The following NRXN1 variants were observed in gnomAD, a reference collection of about 807,000 sequenced individuals.
NRXN1 encodes neurexin-1.
Under a neutral mutation model 150.9 loss-of-function variants are expected in NRXN1, and 39 were observed. The ratio of observed to expected loss-of-function variants is 0.26; its 90% CI spans 0.20 to 0.34. The LOEUF (loss-of-function observed/expected upper bound fraction) is 0.34. Ranked by LOEUF, NRXN1 falls within the 10% of genes least tolerant of loss-of-function variation. NRXN1 has a pLI of 1.00. For synonymous variants in NRXN1, 924 were observed against 757.0 expected, an observed-to-expected ratio of 1.22 and a Z score of -3.62; for missense variants, 1,815 against 1,949.9, an observed-to-expected ratio of 0.93 and a Z score of 1.30.
chr2:50,605,539 C>T (rs546550351), intron 8 of NRXN1, among the ~76,000 whole-genome samples: 10 of 152,182 alleles, frequency 6.6e-5, no homozygotes, highest in African/African-American at 2.2e-4. Flanking sequence ...AGATACCCAA[C>T]GTCAGTAATC....
chr2:50,741,306 T>C (rs1699393725), intron 5 of NRXN1, among the ~76,000 whole-genome samples: 1 of 152,174 alleles, frequency 6.6e-6, no homozygotes, highest in East Asian at 1.9e-4. Flanking sequence ...ATGCATAGTG[T>C]AACTTTGAAA....
intron 5 of NRXN1, among the ~76,000 whole-genome samples, chr2:50,658,061 A>G (rs933348680): frequency 6.6e-6 from 1 of 152,046 alleles, no homozygotes; most frequent in African/African-American, 2.4e-5. Flanking sequence ...TAACTATTTC[A>G]TTGATGTGCT....
At chr2:50,974,659 G>C (rs769329808) in intron 2 of NRXN1, among the ~76,000 whole-genome samples, 1 of 151,558 alleles carries the variant, frequency 6.6e-6, no homozygotes, top group Non-Finnish European at 1.5e-5. Context: ...GTAATTCCTG[G>C]GTAGCTTTTA....
At chr2:50,354,339 C>T (rs780139624) in intron 17 of NRXN1, among the ~76,000 whole-genome samples, 2 of 151,858 alleles carry the variant, frequency 1.3e-5, no homozygotes, top group Non-Finnish European at 2.9e-5. Context: ...TCAGACACTA[C>T]ACTAGGGTTC....
At chr2:50,471,211 T>A (rs2089424350) in intron 16 of NRXN1, among the ~76,000 whole-genome samples, 1 of 151,846 alleles carries the variant, frequency 6.6e-6, no homozygotes, top group Non-Finnish European at 1.5e-5. Context: ...TCAAGTCTTG[T>A]ACGTTGTACC....
chr2:50,091,218 G>A, intron 19 of NRXN1, 105 bp downstream of exon 19: 3 of 1,285,242 alleles, frequency 2.3e-6, no homozygotes, highest in Non-Finnish European at 3.4e-6. Context: ...AATAGTTGAT[G>A]GTTTCTCAGA....
At chr2:50,005,037 T>A (rs746514336) in intron 21 of NRXN1, among the ~76,000 whole-genome samples, 4 of 152,154 alleles carry the variant, frequency 2.6e-5, no homozygotes, top group Non-Finnish European at 4.4e-5. Context: ...AGCCAGGTGA[T>A]AATCCACAGT....
intron 17 of NRXN1, among the ~76,000 whole-genome samples, chr2:50,290,936 T>C (rs907952207): frequency 1.3e-5 from 2 of 152,148 alleles, no homozygotes; most frequent in Non-Finnish European, 2.9e-5. Context: ...ACTGCATTTT[T>C]TCTCAGGGCC....
At chr2:50,231,541 C>T (rs1312810930) in intron 18 of NRXN1, among the ~76,000 whole-genome samples, 1 of 151,998 alleles carries the variant, frequency 6.6e-6, no homozygotes, top group Non-Finnish European at 1.5e-5. Flanking sequence ...GCTTCCGGCC[C>T]AGCAAAGTAC....
chr2:50,200,935 A>T (rs920368578), intron 18 of NRXN1, among the ~76,000 whole-genome samples: 14 of 152,068 alleles, frequency 9.2e-5, no homozygotes, highest in Non-Finnish European at 1.6e-4. Context: ...TGCTGCCCAA[A>T]AAGTGAAGCT....
At chr2:50,556,484 A>G (rs1022388115) in intron 8 of NRXN1, among the ~76,000 whole-genome samples, 1 of 151,554 alleles carries the variant, frequency 6.6e-6, no homozygotes, top group Non-Finnish European at 1.5e-5. Flanking sequence ...TATAGAACCA[A>G]GGTTTCTTTG....
chr2:50,330,574 C>T (rs562717807), intron 17 of NRXN1, among the ~76,000 whole-genome samples: 1 of 152,218 alleles, frequency 6.6e-6, no homozygotes, highest in South Asian at 2.1e-4. Context: ...TTAAAAAAAT[C>T]CCCACAGTAG....
intron 19 of NRXN1, among the ~76,000 whole-genome samples, chr2:50,073,647 T>C (rs772446680): frequency 1.6e-4 from 24 of 152,294 alleles, no homozygotes; most frequent in Non-Finnish European, 3.2e-4. Context: ...TATTTAGATA[T>C]GGAGTTAACT....
chr2:50,296,652 G>A (rs1396587867), intron 17 of NRXN1, among the ~76,000 whole-genome samples: 1 of 151,874 alleles, frequency 6.6e-6, no homozygotes, highest in Non-Finnish European at 1.5e-5. Flanking sequence ...TACATTTGTA[G>A]AGACAGAATC....
At chr2:50,151,344 CAA>C (rs1299463230) in intron 18 of NRXN1, among the ~76,000 whole-genome samples, 2 of 151,332 alleles carry the variant, frequency 1.3e-5, no homozygotes, top group East Asian at 3.9e-4. Flanking sequence ...AACACACTGT[CAA>C]AGACAGTTAC....
chr2:50,867,085 G>C (rs1210245456), intron 5 of NRXN1, among the ~76,000 whole-genome samples: 1 of 151,930 alleles, frequency 6.6e-6, no homozygotes, highest in Non-Finnish European at 1.5e-5. Context: ...CATGAGCATT[G>C]AGTTTCAGAG....
At chr2:50,261,736 C>G (rs1308865979) in intron 17 of NRXN1, among the ~76,000 whole-genome samples, 2 of 151,790 alleles carry the variant, frequency 1.3e-5, no homozygotes, top group Non-Finnish European at 2.9e-5. Context: ...AAAGTGAATT[C>G]TTTACCTCTT....
chr2:49,962,502 G>C (rs1676147891), intron 21 of NRXN1, among the ~76,000 whole-genome samples: 1 of 152,180 alleles, frequency 6.6e-6, no homozygotes, highest in African/African-American at 2.4e-5. Context: ...ACAAGAAATA[G>C]TAATCTAAGT....
rs377233196 is a variant in NRXN1, at chr2:50,100,232, A to G, written c.3547-8738T>C. Reference sequence around the variant, plus strand: ...TGTGAACCATGTATGTTTCTTCCCAAGAAAGTATAATCTCTGATGGAAGCG... The same window carrying G: ...TGTGAACCATGTATGTTTCTTCCCAGGAAAGTATAATCTCTGATGGAAGCG... On this transcript the variant is annotated intron_variant, in intron 18 of 22. Coordinates refer to ENST00000401669, the MANE Select transcript of NRXN1 (RefSeq NM_001330078.2). Among the ~76,000 whole-genome samples the G allele has an allele frequency of 7.2e-5, 11 of 152,206 alleles. No individual in the cohort carries two copies. The East Asian group carries it at 1.5e-3, about 21-fold the overall frequency.
Sources: gnomAD v4.1 joint callset for allele counts (sites outside exome capture counted in the v4.1 genomes callset) on GRCh38, gnomAD v4.1.1 for gene constraint, MANE v1.5 for transcripts, NCBI Gene and HGNC (gene_info 2026-07-23, HGNC 2026-07-21) for gene names.